Variants in MKLN1 observed in about 807,000 individuals in gnomAD.
The protein encoded by MKLN1 is muskelin 1, also known as muskelin.
MKLN1 carries 18 observed loss-of-function variants against 99.0 expected under a neutral mutation model. The observed-to-expected ratio is 0.18, with a 90% CI of 0.13 to 0.27. The LOEUF is 0.27. MKLN1 is among the 10% of genes least tolerant of loss of function. The pLI, the probability that MKLN1 is intolerant of heterozygous loss-of-function variation, is 1.00. For synonymous variants in MKLN1, 288 were observed against 293.2 expected (o/e 0.98, Z 0.18); for missense variants, 621 against 875.9 (o/e 0.71, Z 3.67).
chr7:131,345,284 A>T (rs1187097875), intron 1 of MKLN1, among the ~76,000 whole-genome samples: 1 of 152,212 alleles, frequency 6.6e-6, no homozygotes, highest in African/African-American at 2.4e-5. Flanking sequence ...GAATATTTGC[A>T]TTATGTTAAT....
intron 2 of MKLN1, among the ~76,000 whole-genome samples, chr7:131,169,728 A>G (rs1796189249): frequency 6.6e-6 from 1 of 152,118 alleles, no homozygotes; most frequent in African/African-American, 2.4e-5. Context: ...TTTAGAGAAA[A>G]TTTTTCACAA....
chr7:131,359,550 C>A (rs1026900227), intron 1 of MKLN1, among the ~76,000 whole-genome samples: 1 of 152,040 alleles, frequency 6.6e-6, no homozygotes, highest in Non-Finnish European at 1.5e-5. Flanking sequence ...TGAGCTTCTG[C>A]CTGCTGAGTC....
intron 12 of MKLN1, among the ~76,000 whole-genome samples, chr7:131,457,152 C>G (rs1484103757): frequency 6.6e-6 from 1 of 151,938 alleles, no homozygotes; most frequent in Non-Finnish European, 1.5e-5. Context: ...TGGCACGTGC[C>G]TGTAGTCCCA....
At chr7:131,427,346 T>C (rs906622386) in intron 8 of MKLN1, among the ~76,000 whole-genome samples, 3 of 152,196 alleles carry the variant, frequency 2.0e-5, no homozygotes, top group Non-Finnish European at 2.9e-5. Flanking sequence ...ACACTTTGAA[T>C]TGTAACCCTG....
At chr7:131,325,909 G>A (rs953825456), upstream of MKLN1, among the ~76,000 whole-genome samples, 2 of 147,340 alleles carry the variant, frequency 1.4e-5, no homozygotes, top group Non-Finnish European at 3.0e-5. Context: ...GTGGGGGGGG[G>A]GTGGTGGTGA....
intron 3 of MKLN1, among the ~76,000 whole-genome samples, chr7:131,220,522 GA>G (rs1175820316): frequency 2.6e-5 from 4 of 152,164 alleles, no homozygotes; most frequent in Non-Finnish European, 5.9e-5. Context: ...ACTGAACAAG[GA>G]GATGGGAGAA....
At chr7:131,304,003 T>TA (rs1028216245) in intron 3 of MKLN1, among the ~76,000 whole-genome samples, 2 of 152,178 alleles carry the variant, frequency 1.3e-5, no homozygotes, top group Non-Finnish European at 2.9e-5. Context: ...AGATTCAATT[T>TA]AAAAAATATT....
chr7:131,203,074 A>AT (rs971799926), intron 3 of MKLN1: 2 of 152,198 alleles, frequency 1.3e-5, no homozygotes, highest in African/African-American at 4.8e-5. Context: ...AAATGCTTAC[A>AT]TTTGTAGAGG....
chr7:131,460,296 C>T (rs1796477148), intron 12 of MKLN1, among the ~76,000 whole-genome samples: 1 of 152,134 alleles, frequency 6.6e-6, no homozygotes, highest in African/African-American at 2.4e-5. Context: ...CATGTCTAAA[C>T]TTTAACATTT....
chr7:131,366,534 G>C (rs1286546412), intron 1 of MKLN1, among the ~76,000 whole-genome samples: 1 of 152,140 alleles, frequency 6.6e-6, no homozygotes, highest in African/African-American at 2.4e-5. Context: ...TTTAGGGCTG[G>C]GTGTGGTGGC....
intron 3 of MKLN1, among the ~76,000 whole-genome samples, chr7:131,206,152 C>T (rs781713373): frequency 6.6e-6 from 1 of 152,146 alleles, no homozygotes; most frequent in Admixed American, 6.5e-5. Context: ...CTCAGCCTCC[C>T]AAAGTGCTGG....
At chr7:131,141,128 C>A (rs567252029) in intron 1 of MKLN1, among the ~76,000 whole-genome samples, 11 of 152,076 alleles carry the variant, frequency 7.2e-5, no homozygotes, top group Non-Finnish European at 1.5e-4. Context: ...TGTCTTCTCT[C>A]TTTTTCTCTG....
intron 2 of MKLN1, 67 bp downstream of exon 2, chr7:131,375,560 T>C (rs1793617806): frequency 2.2e-6 from 2 of 917,036 alleles, no homozygotes; most frequent in African/African-American, 3.2e-5. Flanking sequence ...CAATTGATAC[T>C]AGTTATCTGG....
chr7:131,162,329 A>AG (rs1319312398), intron 2 of MKLN1, among the ~76,000 whole-genome samples: 1 of 152,194 alleles, frequency 6.6e-6, no homozygotes, highest in Non-Finnish European at 1.5e-5. Context: ...CTGGAATTAT[A>AG]GGAATGAACC....
chr7:131,394,946 G>T (rs1794313700), intron 4 of MKLN1, among the ~76,000 whole-genome samples: 2 of 151,868 alleles, frequency 1.3e-5, no homozygotes, highest in Admixed American at 1.3e-4. Context: ...AGAAAATATG[G>T]TTCACTGAAT....
At chr7:131,201,151 C>T (rs1241199124) in intron 2 of MKLN1, among the ~76,000 whole-genome samples, 3 of 152,126 alleles carry the variant, frequency 2.0e-5, no homozygotes, top group Non-Finnish European at 4.4e-5. Flanking sequence ...TCCTGAGCAG[C>T]TGGGATTACA....
intron 9 of MKLN1, among the ~76,000 whole-genome samples, chr7:131,437,129 G>T (rs1281483158): frequency 6.6e-6 from 1 of 151,722 alleles, no homozygotes; most frequent in Non-Finnish European, 1.5e-5. Context: ...CAATGTGAAG[G>T]TTTGATAGAT....
intron 3 of MKLN1, among the ~76,000 whole-genome samples, chr7:131,295,586 ACAAATAGAGTGG>A (rs201502174): frequency 6.6e-6 from 1 of 152,126 alleles, no homozygotes; most frequent in Admixed American, 6.5e-5. Context: ...AATATTTCAT[ACAAATAGAGTGG>A]CAAAAAGCCA....
At position 131,360,294 on chromosome 7, in the gene MKLN1, T is replaced by TGTTGATATAATTGG. The variant is rs570169906; in HGVS notation, c.99-15129_99-15116dup. Among the ~76,000 whole-genome samples the TGTTGATATAATTGG allele has an allele frequency of 5.3e-5, 8 of 152,356 alleles. No individual in the cohort carries two copies. The South Asian group carries it at 1.7e-3, about 32-fold the overall frequency. On this transcript the variant is annotated intron_variant, in intron 1 of 17. Transcript: ENST00000352689. The stretch of plus-strand genomic sequence containing the variant: ...TTAGACCATTCACATACAAATTGAT[T>TGTTGATATAATTGG]GTTGATATAATTGGATTGATATCTA...
Sources: allele counts gnomAD v4.1 joint callset (sites outside exome capture counted in the v4.1 genomes callset), GRCh38; gene constraint gnomAD v4.1.1; transcripts MANE v1.5; gene names NCBI Gene and HGNC (gene_info 2026-07-23, HGNC 2026-07-21).